GRAP2: variants seen among roughly 807,000 people sequenced by gnomAD.
GRAP2 encodes GRB2-related adapter protein 2.
Under a neutral mutation model 43.5 loss-of-function variants are expected in GRAP2, and 31 were observed. The ratio of observed to expected loss-of-function variants is 0.71; its 90% CI spans 0.54 to 0.96. The LOEUF (loss-of-function observed/expected upper bound fraction) is 0.96, where lower values mean the gene tolerates loss of function less well. Ranked by LOEUF, GRAP2 falls within the 40% of genes least tolerant of loss-of-function variation. The pLI is 0.00. For synonymous variants in GRAP2, 156 were observed against 164.8 expected (o/e 0.95, Z 0.41); for missense variants, 371 against 424.4 (o/e 0.87, Z 1.11).
rs181649409 is a variant in GRAP2 at position 39,931,185 on chromosome 22, A to G, written c.-14-15908A>G. Among the ~76,000 whole-genome samples, 14 of 152,330 alleles carry G rather than the reference A, an allele frequency of 9.2e-5. No individual in the cohort carries two copies. The East Asian group carries it at 1.3e-3, about 15-fold the overall frequency. On this transcript the variant is annotated intron_variant, in intron 1 of 7. Transcript: ENST00000344138. ...TTGAACGAATACACAAAGCATATGG[A>G]TACTCCTGAGAGAGAGAAGGTGGGC...
At chr22:39,968,304 G>A (rs374878969) in intron 6 of GRAP2, 32 bp downstream of exon 6, 120 of 1,598,512 alleles carry the variant, frequency 7.5e-5, no homozygotes, top group South Asian at 1.2e-4. Flanking sequence ...GGCACAGTAC[G>A]GTGGAAAGGA....
chr22:39,924,380 T>C (rs1451430343), intron 1 of GRAP2, among the ~76,000 whole-genome samples: 1 of 152,180 alleles, frequency 6.6e-6, no homozygotes, highest in Non-Finnish European at 1.5e-5. Context: ...GTACTTTCCA[T>C]GAGTTTTACG....
chr22:39,954,324 T>G (rs2067021815), intron 2 of GRAP2, among the ~76,000 whole-genome samples: 1 of 152,224 alleles, frequency 6.6e-6, no homozygotes, highest in African/African-American at 2.4e-5. Flanking sequence ...TTCAGTGACA[T>G]TATCAGAGTT....
chr22:39,908,297 CTACAAACA>C (rs2066536623), intron 1 of GRAP2, among the ~76,000 whole-genome samples: 1 of 152,222 alleles, frequency 6.6e-6, no homozygotes, highest in Non-Finnish European at 1.5e-5. Context: ...CCATTAGAAA[CTACAAACA>C]TCTCAATAGT....
intron 1 of GRAP2, among the ~76,000 whole-genome samples, chr22:39,902,353 T>G (rs978715324): frequency 6.6e-6 from 1 of 152,222 alleles, no homozygotes; most frequent in Non-Finnish European, 1.5e-5. Flanking sequence ...GAAGTTACTC[T>G]CCTTTAACAA....
At chr22:39,954,891 G>A (rs1424465819) in intron 2 of GRAP2, among the ~76,000 whole-genome samples, 1 of 152,168 alleles carries the variant, frequency 6.6e-6, no homozygotes, top group African/African-American at 2.4e-5. Flanking sequence ...GGTTTTGTTT[G>A]GGATCTGGCT....
chr22:39,943,444 G>A (rs1471518516), intron 1 of GRAP2, among the ~76,000 whole-genome samples: 6 of 152,156 alleles, frequency 3.9e-5, no homozygotes, highest in Admixed American at 6.5e-5. Flanking sequence ...TGGCTATTGC[G>A]TGACAGCTCT....
At chr22:39,900,288 C>A (rs1381126713), upstream of GRAP2, among the ~76,000 whole-genome samples, 1 of 152,276 alleles carries the variant, frequency 6.6e-6, no homozygotes, top group East Asian at 1.9e-4. Flanking sequence ...GGGATTAATG[C>A]TAGGAACATC....
At chr22:39,917,587 G>A (rs1219902560) in intron 1 of GRAP2, among the ~76,000 whole-genome samples, 1 of 152,084 alleles carries the variant, frequency 6.6e-6, no homozygotes, top group African/African-American at 2.4e-5. Flanking sequence ...TGATTGAACT[G>A]TTGACCTTCT....
chr22:39,910,398 CT>C (rs1476202905), intron 1 of GRAP2, among the ~76,000 whole-genome samples: 1 of 151,974 alleles, frequency 6.6e-6, no homozygotes, highest in Non-Finnish European at 1.5e-5. Flanking sequence ...ATCTTTCTTT[CT>C]TTTTCTTTTC....
intron 1 of GRAP2, among the ~76,000 whole-genome samples, chr22:39,919,202 A>T (rs116739400): frequency 2.1e-3 from 325 of 152,256 alleles, no homozygotes; most frequent in African/African-American, 7.7e-3. Context: ...TTACCCCAAA[A>T]GTGGTGATTT....
At chr22:39,926,112 T>C (rs1333515883) in intron 1 of GRAP2, among the ~76,000 whole-genome samples, 4 of 152,262 alleles carry the variant, frequency 2.6e-5, no homozygotes, top group African/African-American at 7.2e-5. Context: ...GTATGCATCA[T>C]TGAATACTCA....
upstream of GRAP2, among the ~76,000 whole-genome samples, chr22:39,900,903 A>G (rs2066488509): frequency 6.6e-6 from 1 of 152,204 alleles, no homozygotes; most frequent in Non-Finnish European, 1.5e-5. Context: ...TTATGTGAAC[A>G]CAAGTGTTCA....
upstream of GRAP2, among the ~76,000 whole-genome samples, chr22:39,900,239 A>G (rs576951116): frequency 6.6e-6 from 1 of 152,276 alleles, no homozygotes; most frequent in South Asian, 2.1e-4. Flanking sequence ...TAGAACCCCA[A>G]ATTGAATCTC....
chr22:39,964,380 C>T, intron 4 of GRAP2: 2 of 747,842 alleles, frequency 2.7e-6, no homozygotes, highest in Non-Finnish European at 4.7e-6. Context: ...GCGCCATGTC[C>T]AGCCACGAAG....
chr22:39,959,299 G>C (rs2067090842), intron 3 of GRAP2, among the ~76,000 whole-genome samples: 1 of 152,222 alleles, frequency 6.6e-6, no homozygotes, highest in Non-Finnish European at 1.5e-5. Context: ...CTGCCACCCT[G>C]ACCATTCTGC....
At position 39,966,132 on chromosome 22, in the gene GRAP2, C is replaced by G. The variant is rs1309166584; in HGVS notation, c.433C>G (p.Leu145Val). ...CATCTCCAGACAGAAGCAGATCTTC[C>G]TTAGAGACAGAACCCGAGAAGACCA... ...NSISRQKQIF[L>V]RDRTREDQGH... The change falls in exon 5 of 8, where the codon CTT (leucine) becomes GTT (valine). Residue 145 changes from leucine to valine, a missense_variant. Coordinates refer to ENST00000344138, the MANE Select transcript of GRAP2 (RefSeq NM_004810.4). 1.2e-6 allele frequency: 2 copies of G among 1,614,114 alleles called. No individual in the cohort carries two copies. The highest frequency in any genetic ancestry group is 1.6e-4 in the Middle Eastern group (1 of 6,062).
intron 1 of GRAP2, among the ~76,000 whole-genome samples, chr22:39,914,829 G>T (rs1006568905): frequency 6.6e-6 from 1 of 152,144 alleles, no homozygotes; most frequent in Admixed American, 6.5e-5. Flanking sequence ...TACGTCAAAT[G>T]AAATGAGCAT....
At chr22:39,955,648 C>T (rs1169654393) in intron 2 of GRAP2, among the ~76,000 whole-genome samples, 171 bp from the exon 3 acceptor site, 3 of 152,184 alleles carry the variant, frequency 2.0e-5, no homozygotes, top group East Asian at 3.9e-4. Context: ...GGTAAACCCA[C>T]GGCTCCTCCA....
Sources: allele counts gnomAD v4.1 joint callset (sites outside exome capture counted in the v4.1 genomes callset), GRCh38; gene constraint gnomAD v4.1.1; transcripts MANE v1.5; gene names NCBI Gene and HGNC (gene_info 2026-07-23, HGNC 2026-07-21).